Variants in KCNT2 observed in about 807,000 individuals in gnomAD.
KCNT2 encodes potassium channel subfamily T member 2.
A neutral mutation model predicts 153.8 loss-of-function variants in KCNT2; 67 were observed. That is an observed-to-expected ratio of 0.44 (90% CI 0.36 to 0.53). The LOEUF (loss-of-function observed/expected upper bound fraction) is 0.53, where lower values mean the gene tolerates loss of function less well. Among genes scored for constraint, KCNT2 ranks in the 20% least tolerant of loss-of-function variants. KCNT2 has a pLI of 0.00. For synonymous variants in KCNT2, 500 were observed against 458.8 expected (o/e 1.09, Z -1.15); for missense variants, 975 against 1,354.8 (o/e 0.72, Z 4.40).
intron 1 of KCNT2, among the ~76,000 whole-genome samples, chr1:196,500,207 A>G (rs1376270072): frequency 2.3e-5 from 3 of 129,008 alleles, no homozygotes; most frequent in African/African-American, 3.1e-5. Flanking sequence ...AAGGAGGGGG[A>G]GAGAGAGAGA....
chr1:196,478,504 C>A (rs1251280019), intron 5 of KCNT2, among the ~76,000 whole-genome samples: 1 of 152,130 alleles, frequency 6.6e-6, no homozygotes, highest in African/African-American at 2.4e-5. Flanking sequence ...CTAATTTTAT[C>A]AATCTCTATT....
At chr1:196,266,020 CA>C (rs1268122161) in intron 25 of KCNT2, among the ~76,000 whole-genome samples, 3 of 152,032 alleles carry the variant, frequency 2.0e-5, no homozygotes, top group African/African-American at 7.2e-5. Flanking sequence ...GCCCCAACAA[CA>C]AAAACAAAAC....
At chr1:196,414,570 G>GTTGTTGT (rs1225118578) in intron 12 of KCNT2, among the ~76,000 whole-genome samples, 78 of 151,792 alleles carry the variant, frequency 5.1e-4, no homozygotes, top group African/African-American at 1.8e-3. Flanking sequence ...TTTTGTTGTT[G>GTTGTTGT]TTGTTGTTTG....
chr1:196,549,576 T>C (rs1206516081), intron 1 of KCNT2, among the ~76,000 whole-genome samples: 2 of 151,840 alleles, frequency 1.3e-5, no homozygotes, highest in Non-Finnish European at 2.9e-5. Flanking sequence ...ACAGACAACC[T>C]AGAACAATGT....
intron 2 of KCNT2, among the ~76,000 whole-genome samples, chr1:196,490,633 C>A (rs1468685490): frequency 6.6e-6 from 1 of 151,308 alleles, no homozygotes; most frequent in Non-Finnish European, 1.5e-5. Context: ...ATTTAAAATA[C>A]CCATGGAATC....
chr1:196,299,607 C>G (rs187651248), intron 22 of KCNT2, among the ~76,000 whole-genome samples: 1 of 151,978 alleles, frequency 6.6e-6, no homozygotes, highest in Non-Finnish European at 1.5e-5. Context: ...ATAACAAATG[C>G]TAGCAAGGAT....
chr1:196,235,741 AT>A lies in KCNT2; in HGVS notation c.3296+244del, dbSNP rs1472603438. On this transcript the variant is annotated intron_variant, in intron 27 of 27. Coordinates refer to ENST00000294725, the MANE Select transcript of KCNT2 (RefSeq NM_198503.5). Reference sequence around the variant, plus strand: ...ACGTCTTCACTTATTTTTTCCAAATATTTTTTAGCTCACATAATACAGAATT... The same window carrying A: ...ACGTCTTCACTTATTTTTTCCAAATATTTTTAGCTCACATAATACAGAATT... Among the ~76,000 whole-genome samples the A allele has an allele frequency of 2.0e-5, 3 of 151,298 alleles. No individual in the cohort carries two copies. In the East Asian group the frequency reaches 5.8e-4, roughly 29 times the overall value.
At chr1:196,383,256 G>C (rs1669664161) in intron 13 of KCNT2, among the ~76,000 whole-genome samples, 1 of 152,116 alleles carries the variant, frequency 6.6e-6, no homozygotes, top group African/African-American at 2.4e-5. Context: ...CAAGCACATA[G>C]GCAGCTCATG....
intron 8 of KCNT2, among the ~76,000 whole-genome samples, chr1:196,460,345 A>G (rs1677042444): frequency 6.6e-6 from 1 of 151,842 alleles, no homozygotes; most frequent in Non-Finnish European, 1.5e-5. Context: ...ACTGAAAATA[A>G]GAGTTTTAAA....
rs1262374492 is a variant in KCNT2, at chr1:196,225,855, T to G, written c.*2369A>C. 1 of 152,084 alleles carries G rather than the reference T, an allele frequency of 6.6e-6. No individual in the cohort carries two copies. Among genetic ancestry groups the G allele is most frequent in the East Asian group, 1.9e-4 (1 of 5,188 alleles). 9.4% of individuals were successfully genotyped at this position (152,084 alleles called of 1,614,324 possible). A position where few individuals can be genotyped will look rare whatever the true frequency, so the allele number is the denominator to read the frequency against. ...ACTGGTAGCAAAATGGTACAGACAA[T>G]AAACAGAATCAATTCCCATTGGGCT... is the stretch of plus-strand genomic sequence containing the variant. On this transcript the variant is annotated 3_prime_UTR_variant, in exon 28 of 28. Transcript: ENST00000294725.
chr1:196,438,173 T>C (rs1202308150), intron 8 of KCNT2, among the ~76,000 whole-genome samples: 1 of 151,762 alleles, frequency 6.6e-6, no homozygotes, highest in Non-Finnish European at 1.5e-5. Context: ...TTGTTATTTA[T>C]TTATAGCCCC....
At chr1:196,409,641 CT>C (rs1400967219) in intron 12 of KCNT2, among the ~76,000 whole-genome samples, 3 of 151,586 alleles carry the variant, frequency 2.0e-5, no homozygotes, top group African/African-American at 7.2e-5. Flanking sequence ...CTTTCTTCAA[CT>C]TTTTTATAAT....
At chr1:196,423,664 C>G (rs1673402347) in intron 11 of KCNT2, among the ~76,000 whole-genome samples, 1 of 149,552 alleles carries the variant, frequency 6.7e-6, no homozygotes, top group Non-Finnish European at 1.5e-5. Context: ...GTTCTAAGAG[C>G]ACAAGAATGT....
intron 14 of KCNT2, among the ~76,000 whole-genome samples, chr1:196,369,852 G>A (rs1418640170): frequency 2.0e-5 from 3 of 151,990 alleles, no homozygotes; most frequent in Non-Finnish European, 2.9e-5. Context: ...GTAATGGGAT[G>A]GCTGGGTCAA....
chr1:196,597,082 T>G (rs1336399975), intron 1 of KCNT2, among the ~76,000 whole-genome samples: 2 of 152,140 alleles, frequency 1.3e-5, no homozygotes, highest in African/African-American at 4.8e-5. Flanking sequence ...TAGTCCAATA[T>G]AGGTGAAGAG....
At chr1:196,265,597 G>A (rs1031312499) in intron 25 of KCNT2, among the ~76,000 whole-genome samples, 1 of 152,128 alleles carries the variant, frequency 6.6e-6, no homozygotes, top group Non-Finnish European at 1.5e-5. Context: ...GTGTGTCCTA[G>A]GAAAAATACC....
chr1:196,543,287 T>A (rs1447785943), intron 1 of KCNT2, among the ~76,000 whole-genome samples: 1 of 152,144 alleles, frequency 6.6e-6, no homozygotes, highest in African/African-American at 2.4e-5. Flanking sequence ...ATTAACATTT[T>A]AACACACTGC....
chr1:196,444,954 A>G (rs1675560435), intron 8 of KCNT2, among the ~76,000 whole-genome samples: 1 of 151,428 alleles, frequency 6.6e-6, no homozygotes. Context: ...AGAGCAAATA[A>G]TAGATACAGA....
intron 14 of KCNT2, among the ~76,000 whole-genome samples, chr1:196,360,554 T>C (rs1256137725): frequency 6.6e-6 from 1 of 152,080 alleles, no homozygotes; most frequent in Non-Finnish European, 1.5e-5. Context: ...TATGACTGTA[T>C]TTGGAAATGG....
Sources: gnomAD v4.1 joint callset for allele counts (sites outside exome capture counted in the v4.1 genomes callset) on GRCh38, gnomAD v4.1.1 for gene constraint, MANE v1.5 for transcripts, NCBI Gene and HGNC (gene_info 2026-07-23, HGNC 2026-07-21) for gene names.